The following AGPAT5 variants were observed in gnomAD, a reference collection of about 807,000 sequenced individuals.
The protein encoded by AGPAT5 is 1-acylglycerol-3-phosphate O-acyltransferase 5.
A neutral mutation model predicts 45.6 loss-of-function variants in AGPAT5; 46 were observed. The observed-to-expected ratio is 1.01, with a 90% CI of 0.80 to 1.29. The LOEUF (loss-of-function observed/expected upper bound fraction) is 1.29. Ranked by LOEUF, AGPAT5 falls within the 50% of genes most tolerant of loss-of-function variation. The probability of loss-of-function intolerance (pLI) is 0.00; values close to 1 mark genes in which losing one functional copy is unlikely to be tolerated. For synonymous variants in AGPAT5, 272 were observed against 167.0 expected (o/e 1.63, Z -4.85); for missense variants, 673 against 450.7 (o/e 1.49, Z -4.47).
intron 6 of AGPAT5, among the ~76,000 whole-genome samples, chr8:6,753,837 G>A (rs751100326): frequency 3.3e-5 from 5 of 151,634 alleles, no homozygotes; most frequent in African/African-American, 4.8e-5. Flanking sequence ...CTGGAAGTGT[G>A]TAAGAATACA....
At chr8:6,708,958 C>T (rs935238925) in intron 1 of AGPAT5, 71 bp downstream of exon 1, 4 of 1,452,030 alleles carry the variant, frequency 2.8e-6, no homozygotes, top group East Asian at 2.4e-5. Context: ...CTCCGCTCCC[C>T]CACAGCTGGC....
chr8:6,746,064 T>TTGTCTTTCTGC (rs1801446743), intron 5 of AGPAT5: 1 of 48,522 alleles, frequency 2.1e-5, no homozygotes, highest in Admixed American at 2.5e-4. Flanking sequence ...CCTCTCTCTC[T>TTGTCTTTCTGC]TTTCTTTCTG....
chr8:6,750,079 T>A (rs980931339), intron 6 of AGPAT5, among the ~76,000 whole-genome samples: 1 of 152,224 alleles, frequency 6.6e-6, no homozygotes, highest in Non-Finnish European at 1.5e-5. Flanking sequence ...CACCCTCTCT[T>A]TTGTTGCCCT....
chr8:6,708,940 G>A (rs1800037214), intron 1 of AGPAT5, 53 bp downstream of exon 1: 1 of 1,531,374 alleles, frequency 6.5e-7, no homozygotes, highest in East Asian at 2.3e-5. Flanking sequence ...TCCCGGGGGC[G>A]CGGACCTCTC....
At chr8:6,723,287 G>T (rs1800568396) in intron 1 of AGPAT5, among the ~76,000 whole-genome samples, 1 of 152,188 alleles carries the variant, frequency 6.6e-6, no homozygotes, top group African/African-American at 2.4e-5. Context: ...TTGTCATTAG[G>T]TGTGCAGTGT....
intron 6 of AGPAT5, among the ~76,000 whole-genome samples, chr8:6,751,037 G>GT (rs890343921): frequency 6.8e-4 from 102 of 150,636 alleles, no homozygotes; most frequent in Admixed American, 8.6e-4. Context: ...TGCTTTCATT[G>GT]TTTTTTTTTG....
At chr8:6,723,091 ATTATT>A (rs1438990070) in intron 1 of AGPAT5, among the ~76,000 whole-genome samples, 1 of 152,198 alleles carries the variant, frequency 6.6e-6, no homozygotes, top group South Asian at 2.1e-4. Context: ...GTGCACTTTA[ATTATT>A]TTATTTATGT....
At chr8:6,748,589 C>G (rs1399802304) in intron 6 of AGPAT5, among the ~76,000 whole-genome samples, 2 of 152,158 alleles carry the variant, frequency 1.3e-5, no homozygotes, top group African/African-American at 4.8e-5. Context: ...ACTGCAACCT[C>G]CGCCTCCCAC....
At chr8:6,723,810 C>T (rs1481639257) in intron 1 of AGPAT5, among the ~76,000 whole-genome samples, 1 of 152,186 alleles carries the variant, frequency 6.6e-6, no homozygotes, top group Non-Finnish European at 1.5e-5. Flanking sequence ...GTGCATTTGT[C>T]TGCAAAGTTG....
At chr8:6,742,027 A>T (rs1009281664) in intron 5 of AGPAT5, among the ~76,000 whole-genome samples, 1 of 152,142 alleles carries the variant, frequency 6.6e-6, no homozygotes, top group Non-Finnish European at 1.5e-5. Context: ...TAAGTACATG[A>T]TTATGTAGAT....
chr8:6,747,730 A>G lies in AGPAT5; in HGVS notation c.647A>G (p.Asp216Gly), dbSNP rs1801523850. The change falls in exon 6 of 8, where the codon GAT (aspartate) becomes GGT (glycine). Residue 216 changes from aspartate (D) to glycine (G), a missense_variant. Transcript: ENST00000285518. ...PRIKATHVAF[D>G]CMKNYLDAIY... The stretch of plus-strand genomic sequence containing the variant: ...ATAAAGGCAACTCACGTTGCTTTTG[A>G]TTGCATGAAGAATTATTTAGATGCA... 1 of 1,614,120 alleles carries G rather than the reference A, an allele frequency of 6.2e-7. No individual in the cohort carries two copies. The highest frequency in any genetic ancestry group is 8.5e-7 in the Non-Finnish European group (1 of 1,180,044).
chr8:6,760,584 G>A lies in AGPAT5; in HGVS notation c.*3196G>A, dbSNP rs17637443. Among the ~76,000 whole-genome samples the A allele has an allele frequency of 6.6e-6, 1 of 152,158 alleles. No individual in the cohort carries two copies. Among genetic ancestry groups the A allele is most frequent in the Non-Finnish European group, 1.5e-5 (1 of 68,006 alleles). ...CTTAATTTGTTTTTAGTAGTGTTTA[G>A]ATTGAAGATTGAGTGAAATATTTTC... On this transcript the variant is annotated 3_prime_UTR_variant, in exon 8 of 8. Transcript: ENST00000285518.
chr8:6,724,428 T>C (rs1239632218), intron 1 of AGPAT5, among the ~76,000 whole-genome samples: 2 of 152,188 alleles, frequency 1.3e-5, no homozygotes, highest in Non-Finnish European at 2.9e-5. Flanking sequence ...GTGTACCCTT[T>C]AGTGTCCTGA....
At chr8:6,716,325 A>T (rs944599078) in intron 1 of AGPAT5, among the ~76,000 whole-genome samples, 2 of 152,110 alleles carry the variant, frequency 1.3e-5, no homozygotes, top group East Asian at 3.9e-4. Context: ...TTGGGAGGCC[A>T]AGGAGGGTGG....
chr8:6,734,086 G>T (rs920112614), intron 4 of AGPAT5, among the ~76,000 whole-genome samples: 2 of 152,002 alleles, frequency 1.3e-5, no homozygotes, highest in Non-Finnish European at 2.9e-5. Context: ...ACCTGGATTG[G>T]TCCTCTGAGC....
At position 6,719,899 on chromosome 8, in the gene AGPAT5, G is replaced by T. The variant is rs115006120; in HGVS notation, c.220-4971G>T. Reference sequence around the variant, plus strand: ...GGGGATATGATCAGAAGATGTCTGTGATCGTGTCCTGAGAAGCACCAGGAA... The same window carrying T: ...GGGGATATGATCAGAAGATGTCTGTTATCGTGTCCTGAGAAGCACCAGGAA... On this transcript the variant is annotated intron_variant, in intron 1 of 7. Coordinates refer to ENST00000285518, the MANE Select transcript of AGPAT5 (RefSeq NM_018361.5). 1.6e-3 allele frequency among the ~76,000 whole-genome samples: 250 copies of T among 152,284 alleles called. 4 individuals are homozygous for T. The highest frequency in any genetic ancestry group is 5.2e-3 in the African/African-American group (217 of 41,564).
intron 1 of AGPAT5, among the ~76,000 whole-genome samples, chr8:6,713,533 A>G (rs1032616023): frequency 6.6e-5 from 10 of 152,190 alleles, no homozygotes; most frequent in Non-Finnish European, 1.3e-4. Context: ...TTTCTCTAAT[A>G]TGCCCTTAAC....
rs547760780 is a variant in AGPAT5, at chr8:6,726,281, G to T, written c.289+1342G>T. On this transcript the variant is annotated intron_variant, in intron 2 of 7. Coordinates refer to ENST00000285518, the MANE Select transcript of AGPAT5 (RefSeq NM_018361.5). Reference sequence around the variant, plus strand: ...CAGGTTTTAAATATCAAACAAAAGGGATCTGTGGGCCCAGTACAGGGAATG... The same window carrying T: ...CAGGTTTTAAATATCAAACAAAAGGTATCTGTGGGCCCAGTACAGGGAATG... Among the ~76,000 whole-genome samples the T allele has an allele frequency of 5.9e-5, 9 of 152,302 alleles. No individual in the cohort carries two copies. The South Asian group carries it at 1.9e-3, about 32-fold the overall frequency.
At chr8:6,709,883 G>C (rs770620774) in intron 1 of AGPAT5, among the ~76,000 whole-genome samples, 1 of 152,120 alleles carries the variant, frequency 6.6e-6, no homozygotes, top group African/African-American at 2.4e-5. Flanking sequence ...ACCAGTGTCT[G>C]TAAGTGTCTC....
Sources: allele counts gnomAD v4.1 joint callset (sites outside exome capture counted in the v4.1 genomes callset), GRCh38; gene constraint gnomAD v4.1.1; transcripts MANE v1.5; gene names NCBI Gene and HGNC (gene_info 2026-07-23, HGNC 2026-07-21).